RNF150: variants seen among roughly 807,000 people sequenced by gnomAD.
RNF150 encodes the protein ring finger protein 150.
A neutral mutation model predicts 39.3 loss-of-function variants in RNF150; 24 were observed. The observed-to-expected ratio is 0.61, with a 90% CI of 0.44 to 0.86. The LOEUF (loss-of-function observed/expected upper bound fraction) is 0.86, where lower values mean the gene tolerates loss of function less well. RNF150 is among the 40% of genes least tolerant of loss of function. The pLI is 0.00. For missense variants in RNF150, 502 were observed against 587.8 expected (o/e 0.85, Z 1.51); for synonymous variants, 255 against 227.3 (o/e 1.12, Z -1.10).
At position 141,132,884 on chromosome 4, in the gene RNF150, C is replaced by A; in HGVS notation, c.-76G>T. 1.5e-6 allele frequency: 2 copies of A among 1,292,632 alleles called. No homozygotes were observed. The highest frequency in any genetic ancestry group is 2.2e-6 in the Non-Finnish European group (2 of 918,934). 80.1% of individuals were successfully genotyped at this position (1,292,632 alleles called of 1,614,324 possible). ...TCCCTCCTCCCCAGCCCCGGCCAAC[C>A]CCGGGCCGCTGCCTCTCCTCCTGCT... is the stretch of plus-strand genomic sequence containing the variant. On this transcript the variant is annotated 5_prime_UTR_variant, in exon 1 of 7. Transcript: ENST00000515673. The surrounding 1 kb of genome is among the most constrained non-coding windows in gnomAD (Gnocchi z 4.9).
chr4:141,117,754 C>G (rs1268225510), intron 1 of RNF150, among the ~76,000 whole-genome samples: 1 of 152,288 alleles, frequency 6.6e-6, no homozygotes, highest in South Asian at 2.1e-4. Flanking sequence ...AGTGAAGTAT[C>G]GAAGACACCT....
rs1014503903 is a variant in RNF150 at position 140,883,875 on chromosome 4, C to T, written c.1199-15496G>A. On this transcript the variant is annotated intron_variant, in intron 6 of 6. Transcript: ENST00000515673. ...TTATGCCTTTGAAGAAGCTCTTTGA[C>T]CCTTTCTCTCTCCCTTTTTCTTTTA... is the stretch of plus-strand genomic sequence containing the variant. Among the ~76,000 whole-genome samples, 11 of 152,220 alleles carry T rather than the reference C, an allele frequency of 7.2e-5. 1 individual carries two copies. In the South Asian group the frequency reaches 2.1e-3, roughly 29 times the overall value.
rs1206765666 is a variant in RNF150, at chr4:141,074,716, G to T, written c.484+57609C>A. 2.0e-5 allele frequency among the ~76,000 whole-genome samples: 3 copies of T among 152,156 alleles called. No homozygotes were observed. The South Asian group carries it at 6.2e-4, about 32-fold the overall frequency. On this transcript the variant is annotated intron_variant, in intron 1 of 6. Transcript: ENST00000515673. ...TCCTCTACCACTATGTTGCATCAGT[G>T]CCTCTCATTGCCAAACCTTCCCAGA... is the stretch of plus-strand genomic sequence containing the variant.
rs1287822206 is a variant in RNF150, at chr4:141,052,202, G to A, written c.484+80123C>T. Among the ~76,000 whole-genome samples the A allele has an allele frequency of 2.0e-5, 3 of 151,934 alleles. No individual in the cohort carries two copies. The South Asian group carries it at 6.2e-4, about 32-fold the overall frequency. ...AATTGTAGGAGTTACAATTCAAGAC[G>A]AGATTTGGGTGGGGACACAGCCAAA... is the stretch of plus-strand genomic sequence containing the variant. On this transcript the variant is annotated intron_variant, in intron 1 of 6. Transcript: ENST00000515673.
chr4:141,045,931 T>C (rs1736558061), intron 1 of RNF150, among the ~76,000 whole-genome samples: 1 of 152,174 alleles, frequency 6.6e-6, no homozygotes, highest in Non-Finnish European at 1.5e-5. Flanking sequence ...TATCAATATG[T>C]ATGCAATACA....
At chr4:140,993,107 C>G (rs770626874) in intron 1 of RNF150, among the ~76,000 whole-genome samples, 29 of 152,150 alleles carry the variant, frequency 1.9e-4, no homozygotes, top group Non-Finnish European at 3.7e-4. Flanking sequence ...TGCCACAACT[C>G]AGGCCTGAAA....
At chr4:140,945,218 C>T (rs910166523) in intron 4 of RNF150, among the ~76,000 whole-genome samples, 7 of 152,142 alleles carry the variant, frequency 4.6e-5, no homozygotes, top group Admixed American at 1.3e-4. Context: ...TGAAGCCAAA[C>T]TAAACTAGCC....
intron 2 of RNF150, among the ~76,000 whole-genome samples, chr4:140,955,688 T>C (rs1451450365): frequency 2.0e-5 from 3 of 152,200 alleles, no homozygotes; most frequent in Admixed American, 2.0e-4. Context: ...TGTACTTTCT[T>C]CTAGAGCAGT....
chr4:140,899,929 G>A (rs1300896376), intron 6 of RNF150, among the ~76,000 whole-genome samples: 2 of 100,662 alleles, frequency 2.0e-5, no homozygotes, highest in East Asian at 1.1e-3. Flanking sequence ...ATCCTAGTAG[G>A]TTCTCTCTCT....
intron 1 of RNF150, among the ~76,000 whole-genome samples, chr4:141,097,804 C>T (rs569196730): frequency 4.0e-4 from 60 of 151,522 alleles, no homozygotes; most frequent in African/African-American, 1.1e-3. Context: ...CTATTTTTTA[C>T]GGTAGTTTTT....
chr4:140,896,687 T>TAAAAA (rs368166601), intron 6 of RNF150, among the ~76,000 whole-genome samples: 7 of 79,226 alleles, frequency 8.8e-5, no homozygotes, highest in Non-Finnish European at 1.5e-4. Flanking sequence ...TAGAGTATAA[T>TAAAAA]AAAAAAAAAA....
chr4:140,919,712 A>G (rs1731020716), intron 5 of RNF150, among the ~76,000 whole-genome samples: 1 of 151,820 alleles, frequency 6.6e-6, no homozygotes, highest in Admixed American at 6.6e-5. Context: ...GAACCAAAAA[A>G]GAGCCCGCAT....
intron 1 of RNF150, among the ~76,000 whole-genome samples, chr4:141,174,921 C>T (rs780266254): frequency 6.6e-6 from 1 of 151,196 alleles, no homozygotes; most frequent in Non-Finnish European, 1.5e-5. Flanking sequence ...GTACCAACTC[C>T]AAATGAAGGA....
At chr4:140,897,768 T>G (rs1271210404) in intron 6 of RNF150, among the ~76,000 whole-genome samples, 2 of 152,216 alleles carry the variant, frequency 1.3e-5, no homozygotes, top group East Asian at 1.9e-4. Context: ...GAATGCTTAT[T>G]ATGGACCAGG....
At chr4:141,014,396 T>C (rs745918910) in intron 1 of RNF150, among the ~76,000 whole-genome samples, 10 of 152,204 alleles carry the variant, frequency 6.6e-5, no homozygotes, top group Non-Finnish European at 1.2e-4. Flanking sequence ...GTTATAGTTT[T>C]AGTTTTTTGA....
At chr4:141,084,944 G>A (rs1220985743) in intron 1 of RNF150, among the ~76,000 whole-genome samples, 1 of 152,108 alleles carries the variant, frequency 6.6e-6, no homozygotes, top group Non-Finnish European at 1.5e-5. Flanking sequence ...AATATAATAT[G>A]GCAAAGTGAT....
upstream of RNF150, among the ~76,000 whole-genome samples, chr4:141,135,304 A>G (rs894724098): frequency 2.6e-5 from 4 of 152,264 alleles, no homozygotes; most frequent in Admixed American, 2.6e-4. Flanking sequence ...AGGCACATCC[A>G]GTGGCCAGAA....
chr4:141,148,715 A>C (rs936162355), intron 1 of RNF150, among the ~76,000 whole-genome samples: 2 of 152,210 alleles, frequency 1.3e-5, no homozygotes. Context: ...TGCTAGGATT[A>C]CAGGCGTGCA....
At chr4:141,137,457 G>A (rs1261496741), upstream of RNF150, among the ~76,000 whole-genome samples, 3 of 152,194 alleles carry the variant, frequency 2.0e-5, no homozygotes, top group African/African-American at 4.8e-5. Context: ...AGTATTCTCT[G>A]ATGCATTTGA....
Sources: allele counts gnomAD v4.1 joint callset (sites outside exome capture counted in the v4.1 genomes callset), GRCh38; gene constraint gnomAD v4.1.1; non-coding constraint Gnocchi (gnomAD v3.1); transcripts MANE v1.5; gene names NCBI Gene and HGNC (gene_info 2026-07-23, HGNC 2026-07-21).